Variants in COQ10B observed in about 807,000 individuals in gnomAD.
COQ10B encodes the protein coenzyme Q10B.
Under a neutral mutation model 27.6 loss-of-function variants are expected in COQ10B, and 12 were observed. The observed-to-expected ratio is 0.43, with a 90% CI of 0.28 to 0.70. The LOEUF is 0.70. Ranked by LOEUF, COQ10B falls within the 30% of genes least tolerant of loss-of-function variation. The probability of loss-of-function intolerance (pLI) is 0.17; values close to 1 mark genes in which losing one functional copy is unlikely to be tolerated. For synonymous variants in COQ10B, 115 were observed against 103.0 expected, an observed-to-expected ratio of 1.12 and a Z score of -0.71; for missense variants, 278 against 288.7, an observed-to-expected ratio of 0.96 and a Z score of 0.27.
rs781749123 is a variant in COQ10B, at chr2:197,454,351, G to GA, written c.104+691dup. 83 of 406,034 alleles carry GA rather than the reference G, an allele frequency of 2.0e-4. 1 individual carries two copies. The Middle Eastern group carries it at 4.8e-3, about 23-fold the overall frequency. 25.2% of individuals were successfully genotyped at this position (406,034 alleles called of 1,614,324 possible). ...TTACTAATAACATTGTAATATTCTT[G>GA]AAAATTAAAGTTAGTGTGTTTAAAA... On this transcript the variant is annotated intron_variant, in intron 1 of 4. Coordinates refer to ENST00000263960, the MANE Select transcript of COQ10B (RefSeq NM_025147.5).
At chr2:197,454,146 C>G in intron 1 of COQ10B, 1 of 1,546,102 alleles carries the variant, frequency 6.5e-7, no homozygotes, top group Non-Finnish European at 8.7e-7. Flanking sequence ...TTAGTGTTTA[C>G]AAAACTAAAT....
intron 3 of COQ10B, among the ~76,000 whole-genome samples, chr2:197,468,143 A>G (rs2085844267): frequency 6.6e-6 from 1 of 152,080 alleles, no homozygotes; most frequent in East Asian, 1.9e-4. Flanking sequence ...GATTTTGTAT[A>G]AAAGTAGTCA....
Position 197,474,904 on chromosome 2 carries a change from T to C in COQ10B, c.*980T>C, listed in dbSNP as rs2085934730. Reference sequence around the variant, plus strand: ...ACTTTCTCCGAGGTAGTTTGGCTGCTCTTTCAGTAATGCTAATTGTGTGTC... The same window carrying C: ...ACTTTCTCCGAGGTAGTTTGGCTGCCCTTTCAGTAATGCTAATTGTGTGTC... On this transcript the variant is annotated 3_prime_UTR_variant, in exon 5 of 5. Coordinates refer to ENST00000263960, the MANE Select transcript of COQ10B (RefSeq NM_025147.5). The C allele has an allele frequency of 6.6e-6, 1 of 151,798 alleles. No individual in the cohort carries two copies. Among genetic ancestry groups the C allele is most frequent in the Non-Finnish European group, 1.5e-5 (1 of 67,936 alleles). 9.4% of individuals were successfully genotyped at this position (151,798 alleles called of 1,614,324 possible).
At chr2:197,470,358 C>T (rs1223439918) in intron 4 of COQ10B, among the ~76,000 whole-genome samples, 187 bp downstream of exon 4, 2 of 152,182 alleles carry the variant, frequency 1.3e-5, no homozygotes, top group Non-Finnish European at 2.9e-5. Flanking sequence ...TTTTACAAAT[C>T]TGTAGATTGT....
intron 4 of COQ10B, 83 bp from the exon 5 acceptor site, chr2:197,473,672 CGA>C: frequency 1.0e-6 from 1 of 979,886 alleles, no homozygotes; most frequent in Non-Finnish European, 1.4e-6. Flanking sequence ...GGCAACAAAG[CGA>C]GAGTCCCTCT....
chr2:197,453,600 G>A lies in COQ10B; in HGVS notation c.40G>A (p.Val14Ile). 1 of 1,614,136 alleles carries A rather than the reference G, an allele frequency of 6.2e-7. No individual in the cohort carries two copies. The highest frequency in any genetic ancestry group is 8.5e-7 in the Non-Finnish European group (1 of 1,180,024). Residue 14 changes from valine to isoleucine, a missense_variant, in exon 1 of 5, where the codon GTC becomes ATC. By Grantham distance (29) the Val-to-Ile change is conservative. This residue lies in a region of COQ10B where 183 missense variants were observed against 158.2 expected (regional missense o/e 1.16). Transcript: ENST00000263960. ...TGGTCATACGGCCTTGAGAAGGGTAGTCTCGGGATGCCGTCCGAAGTCGGC... is the reference window on the plus strand; with the variant it reads ...TGGTCATACGGCCTTGAGAAGGGTAATCTCGGGATGCCGTCCGAAGTCGGC... ...RTGHTALRRV[V>I]SGCRPKSATA...
intron 3 of COQ10B, among the ~76,000 whole-genome samples, chr2:197,466,126 C>G (rs1433190626): frequency 3.3e-5 from 5 of 152,116 alleles, no homozygotes; most frequent in Non-Finnish European, 1.5e-5. Context: ...CAAAACCACA[C>G]AGGATAAAGT....
intron 3 of COQ10B, among the ~76,000 whole-genome samples, chr2:197,469,063 C>G (rs189047169): frequency 6.3e-4 from 96 of 152,160 alleles, no homozygotes; most frequent in African/African-American, 1.9e-3. Context: ...CAGACAGTGT[C>G]TGGCTCTGTC....
chr2:197,473,391 GC>G (rs1192361339), intron 4 of COQ10B, among the ~76,000 whole-genome samples: 817 of 80,686 alleles, frequency 0.01, 27 homozygotes, highest in African/African-American at 0.039. Flanking sequence ...CCTTCTCTAC[GC>G]CCCCCCCCAC....
chr2:197,470,021 C>T (rs756692615), intron 3 of COQ10B, 49 bp from the exon 4 acceptor site: 27 of 1,099,016 alleles, frequency 2.5e-5, no homozygotes, highest in Non-Finnish European at 2.8e-5. Context: ...AGATTATGTC[C>T]AGTAGCAAAG....
At chr2:197,470,251 G>T in intron 4 of COQ10B, 80 bp downstream of exon 4, 1 of 747,034 alleles carries the variant, frequency 1.3e-6, no homozygotes, top group Non-Finnish European at 2.3e-6. Context: ...GAACACAGAG[G>T]CCATAATTAT....
At chr2:197,472,510 A>T (rs2085888361) in intron 4 of COQ10B, among the ~76,000 whole-genome samples, 1 of 152,196 alleles carries the variant, frequency 6.6e-6, no homozygotes, top group South Asian at 2.1e-4. Context: ...CTACTTTAAG[A>T]TTGAACCACG....
At chr2:197,457,943 G>A (rs975406217) in intron 1 of COQ10B, among the ~76,000 whole-genome samples, 15 of 151,980 alleles carry the variant, frequency 9.9e-5, no homozygotes, top group Admixed American at 4.6e-4. Context: ...TTAACAGATA[G>A]TCATGTAGTA....
chr2:197,464,143 C>T (rs1244189103), intron 3 of COQ10B, among the ~76,000 whole-genome samples: 1 of 148,942 alleles, frequency 6.7e-6, no homozygotes, highest in African/African-American at 2.5e-5. Flanking sequence ...GTACCAGGTA[C>T]TGAAATGCCA....
At chr2:197,459,867 C>A in intron 1 of COQ10B, 65 bp from the exon 2 acceptor site, 1 of 1,249,950 alleles carries the variant, frequency 8.0e-7, no homozygotes, top group Non-Finnish European at 1.1e-6. Flanking sequence ...TTTATAGTTT[C>A]TATAATTTGT....
intron 1 of COQ10B, among the ~76,000 whole-genome samples, chr2:197,459,142 C>G (rs2085730717): frequency 6.6e-6 from 1 of 152,142 alleles, no homozygotes; most frequent in Admixed American, 6.6e-5. Context: ...AAGGAGAACG[C>G]AGCAACAGTT....
chr2:197,466,334 T>C (rs1331599515), intron 3 of COQ10B, among the ~76,000 whole-genome samples: 2 of 152,234 alleles, frequency 1.3e-5, no homozygotes, highest in Non-Finnish European at 2.9e-5. Context: ...TGATATTCCT[T>C]CAAATTCTGA....
chr2:197,453,716 C>T (rs779364144), intron 1 of COQ10B, 52 bp downstream of exon 1: 13 of 1,458,836 alleles, frequency 8.9e-6, no homozygotes, highest in Non-Finnish European at 1.2e-5. Context: ...TTTTGGCTGC[C>T]GAGTTGGGGG....
chr2:197,459,461 T>C (rs977264074), intron 1 of COQ10B, among the ~76,000 whole-genome samples: 1 of 152,184 alleles, frequency 6.6e-6, no homozygotes, highest in Non-Finnish European at 1.5e-5. Flanking sequence ...CCACCATGCT[T>C]GGCATCAGTA....
Sources: gnomAD v4.1 joint callset for allele counts (sites outside exome capture counted in the v4.1 genomes callset) on GRCh38, gnomAD v4.1.1 for gene constraint, gnomAD v4.1.1 regional missense constraint, MANE v1.5 for transcripts, NCBI Gene and HGNC (gene_info 2026-07-23, HGNC 2026-07-21) for gene names.